GFM1: variants seen among roughly 807,000 people sequenced by gnomAD.
GFM1 encodes G elongation factor mitochondrial 1.
In GFM1, 62 loss-of-function variants were observed where a neutral mutation model predicts 96.2. The observed-to-expected ratio is 0.64, with a 90% CI of 0.53 to 0.80. The LOEUF (loss-of-function observed/expected upper bound fraction) is 0.80. Ranked by LOEUF, GFM1 falls within the 30% of genes least tolerant of loss-of-function variation. GFM1 has a pLI of 0.00. For missense variants in GFM1, 852 were observed against 916.6 expected (o/e 0.93, Z 0.91); for synonymous variants, 282 against 312.9 (o/e 0.90, Z 1.04).
intron 8 of GFM1, among the ~76,000 whole-genome samples, chr3:158,654,902 G>A (rs1722617781): frequency 6.6e-6 from 1 of 152,052 alleles, no homozygotes; most frequent in South Asian, 2.1e-4. Flanking sequence ...TTTATTTAAT[G>A]TCACAGTAGA....
intron 1 of GFM1, 26 bp downstream of exon 1, chr3:158,644,741 C>T (rs1386521655): frequency 5.2e-6 from 8 of 1,543,542 alleles, no homozygotes; most frequent in Non-Finnish European, 7.0e-6. Flanking sequence ...GAGGCTAAAT[C>T]GGGACCATTC....
intron 15 of GFM1, among the ~76,000 whole-genome samples, chr3:158,688,042 A>G (rs1266054100): frequency 6.6e-6 from 1 of 152,042 alleles, no homozygotes; most frequent in Non-Finnish European, 1.5e-5. Context: ...TATAGTTATT[A>G]TAATAGTATA....
At position 158,659,048 on chromosome 3, in the gene GFM1, G is replaced by A. The variant is rs1265823571; in HGVS notation, c.1210G>A (p.Asp404Asn). The A allele has an allele frequency of 5.0e-6, 8 of 1,614,006 alleles. No homozygotes were observed. Among genetic ancestry groups the A allele is most frequent in the South Asian group, 1.1e-5 (1 of 91,086 alleles). ...GCAACGGCTGGCTCGCATGCATGCC[G>A]ACATGATGGAGGCAAGTACAGAGTC... The part of the protein sequence containing the change: ...RLQRLARMHA[D>N]MMEDVEEVYA... Residue 404 changes from aspartate to asparagine, a missense_variant, in exon 9 of 18, where the codon GAC (aspartate) becomes AAC (asparagine). By Grantham distance (23) the Asp-to-Asn change is conservative. Coordinates refer to ENST00000486715, the MANE Select transcript of GFM1 (RefSeq NM_024996.7).
chr3:158,644,980 G>GTTTTT, intron 1 of GFM1: 2 of 214,004 alleles, frequency 9.3e-6, no homozygotes, highest in Non-Finnish European at 8.9e-6. Flanking sequence ...CTTTTCTAAG[G>GTTTTT]TTTTTTTTTT....
intron 8 of GFM1, chr3:158,655,895 C>T (rs1722709075): frequency 6.6e-6 from 3 of 457,228 alleles, no homozygotes; most frequent in African/African-American, 6.0e-5. Flanking sequence ...TGTCATGTCT[C>T]CTTATGATCT....
chr3:158,672,339 G>A, intron 13 of GFM1: 3 of 1,613,292 alleles, frequency 1.9e-6, no homozygotes, highest in Non-Finnish European at 2.5e-6. Flanking sequence ...ACCACCCCCT[G>A]CTAAACTCAC....
At chr3:158,650,502 GT>G (rs1417063897) in intron 5 of GFM1, 1 of 168,044 alleles carries the variant, frequency 6.0e-6, no homozygotes, top group Non-Finnish European at 1.3e-5. Context: ...CCCAGCCCTA[GT>G]TTACTGTATG....
At chr3:158,647,358 G>A (rs1385210901) in intron 4 of GFM1, among the ~76,000 whole-genome samples, 1 of 152,212 alleles carries the variant, frequency 6.6e-6, no homozygotes, top group Non-Finnish European at 1.5e-5. Flanking sequence ...ATAGAGATGA[G>A]ATTTTCTTGT....
intron 3 of GFM1, 111 bp from the exon 4 acceptor site, chr3:158,646,632 A>G (rs113104689): frequency 3.3e-5 from 32 of 979,944 alleles, no homozygotes; most frequent in Non-Finnish European, 4.8e-5. Flanking sequence ...AGGAATCTAC[A>G]TTCTTATTAG....
chr3:158,660,786 A>T (rs1308948327), intron 9 of GFM1, 88 bp from the exon 10 acceptor site: 7 of 1,049,734 alleles, frequency 6.7e-6, no homozygotes, highest in Non-Finnish European at 1.0e-5. Context: ...TTTATATACA[A>T]TGTGTGTACT....
chr3:158,657,734 A>AT (rs766475414), intron 8 of GFM1, among the ~76,000 whole-genome samples: 12 of 152,036 alleles, frequency 7.9e-5, no homozygotes, highest in Non-Finnish European at 1.6e-4. Flanking sequence ...CTGCCTCCAA[A>AT]TAGAGTATCA....
At chr3:158,689,544 C>T (rs62288346) in intron 15 of GFM1, among the ~76,000 whole-genome samples, 63,175 of 151,886 alleles carry the variant, frequency 0.42, 14,292 homozygotes, top group African/African-American at 0.6. Context: ...AAAATAACTG[C>T]CTGCCAGGGA....
intron 5 of GFM1, chr3:158,650,664 T>A (rs1722215215): frequency 6.6e-6 from 1 of 152,200 alleles, no homozygotes; most frequent in Non-Finnish European, 1.5e-5. Flanking sequence ...TTCTTTTGTC[T>A]TTATTAAAGT....
intron 10 of GFM1, among the ~76,000 whole-genome samples, chr3:158,661,265 G>A (rs1321991231): frequency 2.6e-5 from 4 of 152,146 alleles, no homozygotes; most frequent in Non-Finnish European, 5.9e-5. Context: ...ATGGTACCTG[G>A]ACAGTGTGGC....
Position 158,662,699 on chromosome 3 carries a change from T to A in GFM1, c.1380+15T>A. On this transcript the variant is annotated intron_variant, in intron 11 of 17. Coordinates refer to ENST00000486715, the MANE Select transcript of GFM1 (RefSeq NM_024996.7). The stretch of plus-strand genomic sequence containing the variant: ...CTTCTAACAAGGTAGGAGTTTGATT[T>A]AAAGCTCAGTATATCACAATTAAAA... 6.7e-7 allele frequency: 1 copy of A among 1,489,428 alleles called. No homozygotes were observed. Among genetic ancestry groups the A allele is most frequent in the Non-Finnish European group, 9.4e-7 (1 of 1,066,692 alleles). 92.3% of individuals were successfully genotyped at this position (1,489,428 alleles called of 1,614,324 possible). A position where few individuals can be genotyped will look rare whatever the true frequency, so the allele number is the denominator to read the frequency against.
At chr3:158,666,506 C>A in intron 13 of GFM1, 120 bp downstream of exon 13, 2 of 1,131,258 alleles carry the variant, frequency 1.8e-6, no homozygotes, top group Non-Finnish European at 2.7e-6. Context: ...GTATTATGGA[C>A]TCTATAAAGT....
At chr3:158,670,647 C>T (rs1724196772) in intron 13 of GFM1, among the ~76,000 whole-genome samples, 1 of 152,160 alleles carries the variant, frequency 6.6e-6, no homozygotes, top group Non-Finnish European at 1.5e-5. Context: ...ACTAATCAAT[C>T]TTACAGATTT....
chr3:158,662,978 C>T (rs1723313770), intron 11 of GFM1, among the ~76,000 whole-genome samples: 1 of 152,100 alleles, frequency 6.6e-6, no homozygotes. Context: ...AGATCATACA[C>T]AATTGGAAAA....
chr3:158,677,920 G>A (rs1725040089), intron 13 of GFM1, among the ~76,000 whole-genome samples: 1 of 152,210 alleles, frequency 6.6e-6, no homozygotes, highest in Non-Finnish European at 1.5e-5. Flanking sequence ...AAGACAGGCT[G>A]TGACTCTCTT....
Sources: gnomAD v4.1 joint callset for allele counts (sites outside exome capture counted in the v4.1 genomes callset) on GRCh38, gnomAD v4.1.1 for gene constraint, MANE v1.5 for transcripts, NCBI Gene and HGNC (gene_info 2026-07-23, HGNC 2026-07-21) for gene names.